The following NCAM2 variants were observed in gnomAD, a reference collection of about 807,000 sequenced individuals.
NCAM2 encodes the protein N-CAM-2.
NCAM2 carries 30 observed loss-of-function variants against 98.1 expected under a neutral mutation model. The observed-to-expected ratio is 0.31, with a 90% CI of 0.23 to 0.41. The LOEUF (loss-of-function observed/expected upper bound fraction) is 0.41, where lower values mean the gene tolerates loss of function less well. Ranked by LOEUF, NCAM2 falls within the 10% of genes least tolerant of loss-of-function variation. NCAM2 has a pLI of 1.00. For synonymous variants in NCAM2, 368 were observed against 342.4 expected, an observed-to-expected ratio of 1.07 and a Z score of -0.83; for missense variants, 867 against 1,005.8, an observed-to-expected ratio of 0.86 and a Z score of 1.87.
intron 16 of NCAM2, among the ~76,000 whole-genome samples, chr21:21,517,326 C>G (rs961819516): frequency 1.3e-5 from 2 of 152,026 alleles, no homozygotes; most frequent in African/African-American, 4.8e-5. Context: ...TTTAAATAAG[C>G]CATTCTGAAT....
At chr21:21,128,916 TATTAGAAG>T (rs1423332192) in intron 1 of NCAM2, among the ~76,000 whole-genome samples, 1 of 152,166 alleles carries the variant, frequency 6.6e-6, no homozygotes, top group Non-Finnish European at 1.5e-5. Context: ...AAAGCCAGTT[TATTAGAAG>T]ATATTGTGGG....
intron 1 of NCAM2, among the ~76,000 whole-genome samples, chr21:21,070,265 GTGTATATA>G (rs2065532528): frequency 1.6e-5 from 2 of 127,574 alleles, no homozygotes. Context: ...TATGTACATA[GTGTATATA>G]TATATATATA....
chr21:21,104,242 G>A (rs144177490), intron 1 of NCAM2, among the ~76,000 whole-genome samples: 9 of 152,158 alleles, frequency 5.9e-5, no homozygotes, highest in African/African-American at 1.4e-4. Flanking sequence ...CCGTAGAGAC[G>A]TAAGTTGTTT....
chr21:21,033,264 T>C (rs1174181333), intron 1 of NCAM2, among the ~76,000 whole-genome samples: 1 of 152,202 alleles, frequency 6.6e-6, no homozygotes, highest in Non-Finnish European at 1.5e-5. Context: ...CTTGGTTTCA[T>C]ACAAGACGAA....
At chr21:21,169,574 T>TA (rs2068055156) in intron 1 of NCAM2, among the ~76,000 whole-genome samples, 1 of 152,106 alleles carries the variant, frequency 6.6e-6, no homozygotes, top group South Asian at 2.1e-4. Flanking sequence ...AATATACAAA[T>TA]AACTCTTAAA....
intron 1 of NCAM2, among the ~76,000 whole-genome samples, chr21:21,218,657 A>C (rs1035817120): frequency 3.3e-5 from 5 of 152,230 alleles, no homozygotes; most frequent in African/African-American, 1.2e-4. Flanking sequence ...GACTTTGAAG[A>C]CTGGAAAGAG....
intron 14 of NCAM2, among the ~76,000 whole-genome samples, chr21:21,474,157 G>T (rs1984845072): frequency 6.6e-6 from 1 of 151,860 alleles, no homozygotes; most frequent in South Asian, 2.1e-4. Context: ...GGAGTATTTG[G>T]TAACACCCAC....
At chr21:21,322,264 A>G (rs1487167994) in intron 5 of NCAM2, among the ~76,000 whole-genome samples, 2 of 152,148 alleles carry the variant, frequency 1.3e-5, no homozygotes, top group Non-Finnish European at 2.9e-5. Flanking sequence ...ATGCCCATGG[A>G]CATAAAGATG....
intron 1 of NCAM2, chr21:21,226,799 C>T (rs1306318594): frequency 6.6e-6 from 1 of 151,992 alleles, no homozygotes; most frequent in Admixed American, 6.6e-5. Context: ...AGAAACAGAG[C>T]TCTTATAATT....
At chr21:21,009,883 C>CTGTG (rs5842868) in intron 1 of NCAM2, among the ~76,000 whole-genome samples, 13,481 of 139,648 alleles carry the variant, frequency 0.097, 769 homozygotes, top group Non-Finnish European at 0.13. Context: ...CCTCTGATAG[C>CTGTG]TGTGTGTGTG....
intron 1 of NCAM2, among the ~76,000 whole-genome samples, chr21:21,254,701 T>C (rs948946893): frequency 6.6e-6 from 1 of 152,158 alleles, no homozygotes; most frequent in African/African-American, 2.4e-5. Flanking sequence ...TAAAGAGCTG[T>C]AATGGAACAG....
intron 6 of NCAM2, among the ~76,000 whole-genome samples, chr21:21,334,073 C>T (rs2074788857): frequency 6.6e-6 from 1 of 151,944 alleles, no homozygotes; most frequent in South Asian, 2.1e-4. Context: ...GCTGGGATTA[C>T]AGGCGCCTGC....
intron 1 of NCAM2, among the ~76,000 whole-genome samples, chr21:21,177,842 C>T (rs1011845181): frequency 2.0e-5 from 3 of 151,682 alleles, no homozygotes; most frequent in African/African-American, 7.3e-5. Flanking sequence ...ACACTTTCCT[C>T]TCAATGAAAT....
At chr21:21,159,247 A>T (rs933436532) in intron 1 of NCAM2, among the ~76,000 whole-genome samples, 16 of 152,322 alleles carry the variant, frequency 1.1e-4, no homozygotes, top group Admixed American at 2.6e-4. Flanking sequence ...AATTTTAAAA[A>T]ATAAAAAAGT....
chr21:21,113,990 A>G (rs762149541), intron 1 of NCAM2, among the ~76,000 whole-genome samples: 1 of 152,192 alleles, frequency 6.6e-6, no homozygotes, highest in Non-Finnish European at 1.5e-5. Flanking sequence ...ACATTGAGTT[A>G]TAATCAATCA....
chr21:21,484,173 T>A (rs2146287315), intron 15 of NCAM2, among the ~76,000 whole-genome samples: 1 of 152,272 alleles, frequency 6.6e-6, no homozygotes, highest in Admixed American at 6.5e-5. Context: ...TTCTGAGTAA[T>A]GCAGAATAAA....
chr21:21,169,022 A>G (rs2068039544), intron 1 of NCAM2, among the ~76,000 whole-genome samples: 2 of 152,172 alleles, frequency 1.3e-5, no homozygotes, highest in Non-Finnish European at 2.9e-5. Context: ...GGAAGACTCC[A>G]TTATTAGACT....
At chr21:21,275,309 G>A (rs186977681) in intron 1 of NCAM2, among the ~76,000 whole-genome samples, 4 of 151,688 alleles carry the variant, frequency 2.6e-5, no homozygotes, top group East Asian at 1.9e-4. Flanking sequence ...GCGTGGTGGC[G>A]GGTGCCTGTA....
At chr21:21,377,473 T>C (rs536616183) in intron 9 of NCAM2, among the ~76,000 whole-genome samples, 40 of 152,028 alleles carry the variant, frequency 2.6e-4, no homozygotes, top group African/African-American at 9.6e-4. Context: ...AATGTACTTA[T>C]TTACTTTTAT....
Sources: gnomAD v4.1 joint callset for allele counts (sites outside exome capture counted in the v4.1 genomes callset) on GRCh38, gnomAD v4.1.1 for gene constraint, MANE v1.5 for transcripts, NCBI Gene and HGNC (gene_info 2026-07-23, HGNC 2026-07-21) for gene names.